Variants in BRAT1 observed in about 807,000 individuals in gnomAD.
BRAT1 encodes the protein integrator complex assembly factor BRAT1.
In BRAT1, 74 loss-of-function variants were observed where a neutral mutation model predicts 70.6. The ratio of observed to expected loss-of-function variants is 1.05; its 90% CI spans 0.87 to 1.27. BRAT1 has a LOEUF of 1.27. Among genes scored for constraint, BRAT1 ranks in the 50% most tolerant of loss-of-function variants. BRAT1 has a pLI of 0.00. For missense variants in BRAT1, 1,203 were observed against 1,098.2 expected, an observed-to-expected ratio of 1.10 and a Z score of -1.35; for synonymous variants, 615 against 517.1, an observed-to-expected ratio of 1.19 and a Z score of -2.57.
intron 3 of BRAT1, among the ~76,000 whole-genome samples, chr7:2,546,665 G>A (rs935215714): frequency 1.3e-5 from 2 of 151,542 alleles, no homozygotes; most frequent in Non-Finnish European, 2.9e-5. Flanking sequence ...AACCTGGGAG[G>A]TGGAGACTGC....
chr7:2,552,995 C>T (rs1416227442), intron 2 of BRAT1, among the ~76,000 whole-genome samples: 7 of 151,996 alleles, frequency 4.6e-5, no homozygotes, highest in South Asian at 2.1e-4. Flanking sequence ...CTGCCTGCCT[C>T]GGTCTCCCAA....
chr7:2,551,153 T>C (rs978344369), intron 2 of BRAT1, among the ~76,000 whole-genome samples: 1 of 151,394 alleles, frequency 6.6e-6, no homozygotes, highest in African/African-American at 2.4e-5. Flanking sequence ...GGCAGGAGAA[T>C]CGTTTGAAAC....
rs774038377 is a variant in BRAT1 at position 2,538,505 on chromosome 7, A to ACGGCATAGGGGCAGTGGGTACG, written c.2008_2029dup (p.Val677AlafsTer33). ...GGCTGGGGCCACCTCGGGTAGGGCC[A>ACGGCATAGGGGCAGTGGGTACG]CGGCATAGGGGCAGTGGGTACGCGG... On this transcript the variant is annotated frameshift_variant, in exon 14 of 14. Transcript: ENST00000340611. LOFTEE classifies it low-confidence loss of function (END_TRUNC). The ACGGCATAGGGGCAGTGGGTACG allele has an allele frequency of 1.9e-6, 3 of 1,610,804 alleles. No homozygotes were observed.
chr7:2,552,326 C>T (rs1307208056), intron 2 of BRAT1, among the ~76,000 whole-genome samples: 5 of 150,584 alleles, frequency 3.3e-5, no homozygotes, highest in African/African-American at 9.8e-5. Context: ...CCATGTTAGC[C>T]AGGCTGGTCT....
At chr7:2,539,931 G>A (rs1779016553) in intron 10 of BRAT1, 43 bp from the exon 11 acceptor site, 1 of 1,375,634 alleles carries the variant, frequency 7.3e-7, no homozygotes, top group South Asian at 1.5e-5. Context: ...GGAGACGGAG[G>A]GGCAGGCTGT....
chr7:2,541,605 G>C, intron 8 of BRAT1, 113 bp downstream of exon 8: 8 of 1,456,126 alleles, frequency 5.5e-6, no homozygotes, highest in Non-Finnish European at 7.3e-6. Flanking sequence ...TCCCACTGCT[G>C]GCGTGGATGC....
At position 2,539,533 on chromosome 7, in the gene BRAT1, C is replaced by CCA; in HGVS notation, c.1597+9_1597+10dup. On this transcript the variant is annotated intron_variant, in intron 12 of 13. Transcript: ENST00000340611. ...GCGGGGAAGGCAGCCCCTCCACCTG[C>CCA]CAGCACTCACCTCCCCAGTGCCTGC... is the stretch of plus-strand genomic sequence containing the variant. The CCA allele has an allele frequency of 6.5e-7, 1 of 1,548,588 alleles. No individual in the cohort carries two copies. Among genetic ancestry groups the CCA allele is most frequent in the Non-Finnish European group, 8.7e-7 (1 of 1,144,292 alleles).
intron 8 of BRAT1, 116 bp from the exon 9 acceptor site, chr7:2,541,600 C>T (rs1779169836): frequency 1.4e-6 from 2 of 1,457,846 alleles, no homozygotes; most frequent in Non-Finnish European, 1.8e-6. Context: ...TGTGGTCCCA[C>T]TGCTGGCGTG....
At chr7:2,552,934 C>T (rs1302720152) in intron 2 of BRAT1, among the ~76,000 whole-genome samples, 3 of 150,682 alleles carry the variant, frequency 2.0e-5, no homozygotes, top group South Asian at 2.1e-4. Flanking sequence ...TTAGTAGAGA[C>T]GGGGTTTCAC....
intron 7 of BRAT1, 77 bp downstream of exon 7, chr7:2,542,043 G>C: frequency 1.5e-6 from 2 of 1,366,542 alleles, no homozygotes; most frequent in South Asian, 1.5e-5. Flanking sequence ...TGGCGAGCCA[G>C]CTACTCTCAT....
At chr7:2,552,071 CAT>C (rs1243541150) in intron 2 of BRAT1, among the ~76,000 whole-genome samples, 4 of 82,678 alleles carry the variant, frequency 4.8e-5, no homozygotes, top group African/African-American at 9.8e-5. Flanking sequence ...TAGAGAAATG[CAT>C]AGTCTTAAAT....
In BRAT1 at chr7:2,538,108, C is replaced by G. The variant is rs760489828; in HGVS notation, c.2427G>C (p.Thr809=). ...PQSLLQDMLA[T]GGFLQGDEAD... is the part of the protein sequence containing the mutation. ...CCTCGTCCCCCTGCAGGAAGCCTCC[C>G]GTGGCCAGCATGTCCTGCAGGAGGG... Residue 809 remains threonine (T), a synonymous_variant, in exon 14 of 14, where the codon ACG becomes ACC. Transcript: ENST00000340611. 1.0e-5 allele frequency: 16 copies of G among 1,591,204 alleles called. No individual in the cohort carries two copies. The highest frequency in any genetic ancestry group is 1.1e-5 in the Non-Finnish European group (13 of 1,164,166).
chr7:2,552,106 A>ATATATATATATATATATATATATATT (rs1245262304), intron 2 of BRAT1, among the ~76,000 whole-genome samples: 1 of 14,212 alleles, frequency 7.0e-5, no homozygotes, highest in Non-Finnish European at 1.4e-4. Flanking sequence ...ATATATATAT[A>ATATATATATATATATATATATATATT]TTTTTTTTTT....
rs560300030 is a variant in BRAT1, at chr7:2,543,050, G to A, written c.923+154C>T. ...CTAAAGAACCTTCAGAAGCTGCCGC[G>A]CGCAACCCACGCACCACCCAGTCAC... On this transcript the variant is annotated intron_variant, in intron 6 of 13. Coordinates refer to ENST00000340611, the MANE Select transcript of BRAT1 (RefSeq NM_152743.4). The surrounding 1 kb of genome is among the most constrained non-coding windows in gnomAD (Gnocchi z 5.5). The A allele has an allele frequency of 1.0e-4, 94 of 904,272 alleles. 1 individual carries two copies. The South Asian group carries it at 1.7e-3, about 16-fold the overall frequency. The allele number at this position is 904,272 out of a possible 1,614,324, so 56.0% of individuals were successfully genotyped here.
chr7:2,548,747 G>C (rs1779792750), intron 2 of BRAT1, among the ~76,000 whole-genome samples: 1 of 151,796 alleles, frequency 6.6e-6, no homozygotes, highest in Admixed American at 6.6e-5. Flanking sequence ...CAGATCACGA[G>C]GTCAGGAGAT....
chr7:2,543,096 T>C lies in BRAT1; in HGVS notation c.923+108A>G. Reference sequence around the variant, plus strand: ...GTCACACCCCGCACGGCCGCCTGACTGTCCCTGGTGTCCGGAACTCCCCTG... The same window carrying C: ...GTCACACCCCGCACGGCCGCCTGACCGTCCCTGGTGTCCGGAACTCCCCTG... On this transcript the variant is annotated intron_variant, in intron 6 of 13. Transcript: ENST00000340611. This position sits in a 1 kb window ranked among gnomAD's most constrained non-coding sequence, Gnocchi z 5.5. 1.4e-6 allele frequency: 2 copies of C among 1,396,484 alleles called. No individual in the cohort carries two copies. Among genetic ancestry groups the C allele is most frequent in the South Asian group, 1.6e-5 (1 of 64,076 alleles). The allele number at this position is 1,396,484 out of a possible 1,614,324, so 86.5% of individuals were successfully genotyped here.
At chr7:2,552,900 G>A (rs1388202020) in intron 2 of BRAT1, among the ~76,000 whole-genome samples, 1 of 126,712 alleles carries the variant, frequency 7.9e-6, no homozygotes, top group Non-Finnish European at 1.6e-5. Context: ...ACCACGTCTG[G>A]CTATTTTTTT....
Position 2,538,400 on chromosome 7 carries a change from T to C in BRAT1, c.2135A>G (p.Asp712Gly). Residue 712 changes from aspartate (D) to glycine (G), a missense_variant, in exon 14 of 14, where the codon GAC (aspartate) becomes GGC (glycine). Asp to Gly is a moderately conservative substitution (Grantham distance 94, BLOSUM62 -1). Transcript: ENST00000340611. The part of the protein sequence containing the change: ...DFAFCALFDC[D>G]RPVAQKSCDL... ...ACAAGACTTCTGCGCCACAGGGCGG[T>C]CGCAGTCAAACAAGGCACAAAAGGC... 1 of 1,613,446 alleles carries C rather than the reference T, an allele frequency of 6.2e-7. No homozygotes were observed. Among genetic ancestry groups the C allele is most frequent in the Non-Finnish European group, 8.5e-7 (1 of 1,179,932 alleles).
intron 13 of BRAT1, 123 bp downstream of exon 13, chr7:2,539,056 A>C (rs73287531): frequency 6.2e-5 from 91 of 1,459,268 alleles, no homozygotes; most frequent in East Asian, 3.1e-4. Flanking sequence ...TCACTGCTGC[A>C]GGCGCTGCCC....
Sources: allele counts gnomAD v4.1 joint callset (sites outside exome capture counted in the v4.1 genomes callset), GRCh38; gene constraint gnomAD v4.1.1; non-coding constraint Gnocchi (gnomAD v3.1); transcripts MANE v1.5; gene names NCBI Gene and HGNC (gene_info 2026-07-23, HGNC 2026-07-21).